Variants in CHRNA7 observed in about 807,000 individuals in gnomAD.
CHRNA7 encodes neuronal acetylcholine receptor subunit alpha-7.
CHRNA7 carries 17 observed loss-of-function variants against 48.0 expected under a neutral mutation model. The observed-to-expected ratio is 0.35, with a 90% CI of 0.24 to 0.53. The LOEUF is 0.53. Ranked by LOEUF, CHRNA7 falls within the 20% of genes least tolerant of loss-of-function variation. The pLI is 0.92. For synonymous variants in CHRNA7, 75 were observed against 242.3 expected, an observed-to-expected ratio of 0.31 and a Z score of 6.41; for missense variants, 155 against 577.7, an observed-to-expected ratio of 0.27 and a Z score of 7.50.
chr15:32,135,288 C>T (rs74732455), intron 4 of CHRNA7, among the ~76,000 whole-genome samples: 1,802 of 152,244 alleles, frequency 0.012, 39 homozygotes, highest in African/African-American at 0.042. Context: ...GGCTCACATA[C>T]AGATATAAAA....
intron 2 of CHRNA7, among the ~76,000 whole-genome samples, chr15:32,037,304 A>G (rs1308669630): frequency 1.3e-5 from 2 of 152,130 alleles, no homozygotes; most frequent in African/African-American, 2.4e-5. Flanking sequence ...CTATTCTTTC[A>G]TCAATAACAC....
chr15:32,055,231 T>TC (rs562857807), intron 2 of CHRNA7, among the ~76,000 whole-genome samples: 5 of 146,474 alleles, frequency 3.4e-5, no homozygotes, highest in Admixed American at 1.3e-4. Flanking sequence ...TCTCTCTCTC[T>TC]TTTTTTTTTG....
intron 2 of CHRNA7, among the ~76,000 whole-genome samples, chr15:32,081,401 TTTTG>T (rs572232688): frequency 5.6e-4 from 86 of 152,308 alleles, no homozygotes; most frequent in African/African-American, 2.0e-3. Context: ...TATTTCTGTA[TTTTG>T]TTTATCTTTT....
At chr15:32,044,000 C>T (rs908299808) in intron 2 of CHRNA7, among the ~76,000 whole-genome samples, 1 of 152,110 alleles carries the variant, frequency 6.6e-6, no homozygotes, top group Non-Finnish European at 1.5e-5. Context: ...GTCGATTACC[C>T]TAGTGTTTTC....
chr15:32,078,135 T>C (rs2050162228), intron 2 of CHRNA7, among the ~76,000 whole-genome samples: 1 of 152,234 alleles, frequency 6.6e-6, no homozygotes, highest in African/African-American at 2.4e-5. Flanking sequence ...CTTTATCTGA[T>C]TTGTCTCTTT....
At chr15:32,049,210 T>C (rs1266673642) in intron 2 of CHRNA7, among the ~76,000 whole-genome samples, 1 of 151,978 alleles carries the variant, frequency 6.6e-6, no homozygotes, top group Non-Finnish European at 1.5e-5. Flanking sequence ...TTGTTAACTT[T>C]CTGTCTCGTT....
rs1483510627 is a variant in CHRNA7, at chr15:32,158,295, T to TTC, written c.599-116_599-115insCT. On this transcript the variant is annotated intron_variant, in intron 6 of 9. Transcript: ENST00000306901. ...AGCTAATTACAACCCCCCCCTTTTTTTTTTTTAGCACTTTGCAAACTTTAG... is the reference window on the plus strand; with the variant it reads ...AGCTAATTACAACCCCCCCCTTTTTTTCTTTTTTAGCACTTTGCAAACTTTAG... 1.0e-5 allele frequency: 8 copies of TTC among 796,078 alleles called. 1 individual carries two copies. The highest frequency in any genetic ancestry group is 3.4e-6 in the Non-Finnish European group (2 of 587,634). 49.3% of individuals were successfully genotyped at this position (796,078 alleles called of 1,614,324 possible).
chr15:32,074,553 G>A (rs867131646), intron 2 of CHRNA7, among the ~76,000 whole-genome samples: 2 of 150,614 alleles, frequency 1.3e-5, no homozygotes, highest in African/African-American at 4.9e-5. Context: ...CCTTTATTCC[G>A]ACTTTTTTGA....
At chr15:32,105,834 C>A (rs76286659) in intron 3 of CHRNA7, among the ~76,000 whole-genome samples, 1 of 152,220 alleles carries the variant, frequency 6.6e-6, no homozygotes, top group Admixed American at 6.5e-5. Flanking sequence ...TGTAGATGAT[C>A]TAGCAGTTGT....
At chr15:32,114,032 A>ATATATATG (rs1555383666) in intron 4 of CHRNA7, among the ~76,000 whole-genome samples, 2 of 94,540 alleles carry the variant, frequency 2.1e-5, no homozygotes, top group Non-Finnish European at 4.0e-5. Flanking sequence ...ATATATATAT[A>ATATATATG]TATATATATA....
chr15:32,045,336 A>C (rs2049521969), intron 2 of CHRNA7, among the ~76,000 whole-genome samples: 1 of 152,134 alleles, frequency 6.6e-6, no homozygotes, highest in Non-Finnish European at 1.5e-5. Context: ...AACGGAGAAC[A>C]CTTTTACTCC....
At chr15:32,041,981 A>G (rs890482018) in intron 2 of CHRNA7, among the ~76,000 whole-genome samples, 13 of 152,136 alleles carry the variant, frequency 8.5e-5, no homozygotes, top group African/African-American at 2.7e-4. Context: ...TAATTCCAAT[A>G]CTGCTGCTAT....
At chr15:32,148,864 G>C (rs78822253) in intron 4 of CHRNA7, among the ~76,000 whole-genome samples, 189 of 152,350 alleles carry the variant, frequency 1.2e-3, no homozygotes, top group African/African-American at 4.4e-3. Context: ...CCCTCCGCCA[G>C]GGGCCTGTCC....
At chr15:32,087,074 A>C (rs1265741147) in intron 2 of CHRNA7, among the ~76,000 whole-genome samples, 2 of 152,090 alleles carry the variant, frequency 1.3e-5, no homozygotes, top group African/African-American at 4.8e-5. Context: ...GTAGTGTTTC[A>C]CCTCCATGAA....
At chr15:32,052,612 C>G (rs1249840382) in intron 2 of CHRNA7, among the ~76,000 whole-genome samples, 1 of 152,056 alleles carries the variant, frequency 6.6e-6, no homozygotes, top group East Asian at 1.9e-4. Flanking sequence ...GCCTGTAGTC[C>G]CAGCTACTCG....
chr15:32,094,093 A>G (rs1172418485), intron 2 of CHRNA7, among the ~76,000 whole-genome samples: 1 of 152,206 alleles, frequency 6.6e-6, no homozygotes, highest in Non-Finnish European at 1.5e-5. Flanking sequence ...CGGTACCGTC[A>G]GAAATAAGCA....
chr15:32,153,226 C>T (rs1371003097), intron 4 of CHRNA7, among the ~76,000 whole-genome samples: 1 of 151,808 alleles, frequency 6.6e-6, no homozygotes, highest in Non-Finnish European at 1.5e-5. Context: ...CGAGACCATC[C>T]CGGCTAACAT....
chr15:32,103,973 T>C (rs929139019), intron 3 of CHRNA7, among the ~76,000 whole-genome samples: 1 of 152,140 alleles, frequency 6.6e-6, no homozygotes, highest in Non-Finnish European at 1.5e-5. Flanking sequence ...CTGGTCTACA[T>C]GGGTGTCATC....
intron 2 of CHRNA7, among the ~76,000 whole-genome samples, chr15:32,064,766 C>T (rs192118653): frequency 1.3e-3 from 192 of 152,238 alleles, no homozygotes; most frequent in African/African-American, 4.4e-3. Flanking sequence ...GCATTCTTAA[C>T]CCACCTCTGT....
Sources: gnomAD v4.1 joint callset for allele counts (sites outside exome capture counted in the v4.1 genomes callset) on GRCh38, gnomAD v4.1.1 for gene constraint, MANE v1.5 for transcripts, NCBI Gene and HGNC (gene_info 2026-07-23, HGNC 2026-07-21) for gene names.